Variants in HMCN1 observed in about 807,000 individuals in gnomAD.
HMCN1 encodes hemicentin 1, also known as hemicentin-1.
HMCN1 carries 321 observed loss-of-function variants against 625.9 expected under a neutral mutation model. The observed-to-expected ratio is 0.51, with a 90% CI of 0.47 to 0.56. The LOEUF (loss-of-function observed/expected upper bound fraction) is 0.56. HMCN1 is among the 20% of genes least tolerant of loss of function. The pLI, the probability that HMCN1 is intolerant of heterozygous loss-of-function variation, is 0.00. For synonymous variants in HMCN1, 2,425 were observed against 2,417.6 expected, an observed-to-expected ratio of 1.00 and a Z score of -0.09; for missense variants, 6,588 against 6,887.3, an observed-to-expected ratio of 0.96 and a Z score of 1.54.
At position 186,001,606 on chromosome 1, in the gene HMCN1, A is replaced by C. The variant is rs1254211879; in HGVS notation, c.4213A>C (p.Ser1405Arg). Residue 1405 changes from serine (S) to arginine (R), a missense_variant, in exon 28 of 107, where the codon AGC (serine) becomes CGC (arginine). Ser to Arg is a moderately radical substitution (Grantham distance 110, BLOSUM62 -1). This residue lies in a region of HMCN1 where 4,628 missense variants were observed against 4,853.1 expected (regional missense o/e 0.95). Transcript: ENST00000271588. ...TTGGCCCTTAAAGGTGACTGAAAGC[A>C]GCACTATTCAGACTGTGAACAATGG... The part of the protein sequence containing the change: ...YKDNVQVTES[S>R]TIQTVNNGKI... 2 of 1,613,180 alleles carry C rather than the reference A, an allele frequency of 1.2e-6. No homozygotes were observed. Among genetic ancestry groups the C allele is most frequent in the Non-Finnish European group, 1.7e-6 (2 of 1,179,312 alleles).
rs1382863765 is a variant in HMCN1 at position 186,145,427 on chromosome 1, G to A, written c.14291G>A (p.Ser4764Asn). The A allele has an allele frequency of 6.3e-7, 1 of 1,590,902 alleles. No individual in the cohort carries two copies. Among genetic ancestry groups the A allele is most frequent in the Non-Finnish European group, 8.6e-7 (1 of 1,168,122 alleles). Reference protein sequence around the residue: ...CPTHGNWSPWSGWGTCSRTCN... With the variant: ...CPTHGNWSPWNGWGTCSRTCN... Reference sequence around the variant, plus strand: ...GCCCATGGTAACTGGAGTCCTTGGAGTGGCTGGGGAACATGCAGCCGGACG... The same window carrying A: ...GCCCATGGTAACTGGAGTCCTTGGAATGGCTGGGGAACATGCAGCCGGACG... The change falls in exon 92 of 107, where the codon AGT becomes AAT. Residue 4764 changes from serine to asparagine, a missense_variant. Physicochemically the swap from Ser to Asn is conservative, Grantham distance 46. Coordinates refer to ENST00000271588, the MANE Select transcript of HMCN1 (RefSeq NM_031935.3).
intron 12 of HMCN1, among the ~76,000 whole-genome samples, chr1:185,963,189 G>A (rs1571626196): frequency 6.6e-6 from 1 of 152,092 alleles, no homozygotes; most frequent in South Asian, 2.1e-4. Flanking sequence ...TAATAAACAC[G>A]TGGAATATAA....
chr1:185,798,009 A>G, intron 1 of HMCN1, among the ~76,000 whole-genome samples: 1 of 140,806 alleles, frequency 7.1e-6, no homozygotes, highest in East Asian at 2.3e-4. Context: ...CTTGTTTTAT[A>G]CTTTTATGTT....
chr1:185,805,573 T>C (rs777578283), intron 1 of HMCN1, among the ~76,000 whole-genome samples: 2 of 152,176 alleles, frequency 1.3e-5, no homozygotes, highest in Middle Eastern at 3.2e-3. Context: ...AAGGAATACA[T>C]GTATTCTATA....
chr1:185,811,083 A>G (rs911414558), intron 1 of HMCN1, among the ~76,000 whole-genome samples: 1 of 152,140 alleles, frequency 6.6e-6, no homozygotes, highest in Admixed American at 6.6e-5. Flanking sequence ...TTTTTTGTGT[A>G]TCTGAGAGTT....
intron 100 of HMCN1, among the ~76,000 whole-genome samples, chr1:186,168,549 C>A (rs1652026765): frequency 6.6e-6 from 1 of 151,484 alleles, no homozygotes; most frequent in African/African-American, 2.4e-5. Context: ...AAATAGAAAA[C>A]AGTACACAAT....
At chr1:185,953,937 GGTT>G (rs376587520) in intron 11 of HMCN1, among the ~76,000 whole-genome samples, 130 of 150,778 alleles carry the variant, frequency 8.6e-4, no homozygotes, top group African/African-American at 2.1e-3. Context: ...GTCAAAGGGG[GGTT>G]GTTCTCTGGT....
chr1:185,887,796 G>C (rs1664766206), intron 4 of HMCN1, among the ~76,000 whole-genome samples: 3 of 138,586 alleles, frequency 2.2e-5, no homozygotes, highest in Admixed American at 2.1e-4. Context: ...ATAGCAGCAT[G>C]ATTTATAGTC....
Position 186,174,429 on chromosome 1 carries a change from C to CA in HMCN1, c.15815-83dup, listed in dbSNP as rs375370886. On this transcript the variant is annotated intron_variant, in intron 102 of 106. Transcript: ENST00000271588. ...ACTTGGTGAGAAATGCAACCTTTGG[C>CA]AATTCTACAGAATGCTGACTTTAAA... is the stretch of plus-strand genomic sequence containing the variant. 391 of 1,519,502 alleles carry CA rather than the reference C, an allele frequency of 2.6e-4. 1 individual carries two copies. In the African/African-American group the frequency reaches 4.6e-3, roughly 18 times the overall value. 94.1% of individuals were successfully genotyped at this position (1,519,502 alleles called of 1,614,324 possible).
intron 1 of HMCN1, among the ~76,000 whole-genome samples, chr1:185,795,954 T>A (rs1376817872): frequency 2.0e-5 from 3 of 152,224 alleles, no homozygotes; most frequent in South Asian, 4.1e-4. Flanking sequence ...ATTATTTTTT[T>A]AATTTTATTT....
chr1:185,961,881 G>A (rs1354614060), intron 11 of HMCN1, among the ~76,000 whole-genome samples: 2 of 152,128 alleles, frequency 1.3e-5, no homozygotes, highest in Non-Finnish European at 2.9e-5. Flanking sequence ...CAGGATCTTG[G>A]GAGGGGCAGG....
chr1:186,048,818 A>G lies in HMCN1; in HGVS notation c.6556A>G (p.Asn2186Asp). The G allele has an allele frequency of 6.2e-7, 1 of 1,609,556 alleles. No homozygotes were observed. Among genetic ancestry groups the G allele is most frequent in the Non-Finnish European group, 8.5e-7 (1 of 1,176,636 alleles). ...ATNVAGKTEKNYNVNIWVPPN... is the reference protein window; with the variant it reads ...ATNVAGKTEKDYNVNIWVPPN... ...AAATGTTGCTGGAAAAACTGAAAAA[A>G]ACTACAATGTCAACATTTGGGGTAA... The change falls in exon 42 of 107, where the codon AAC becomes GAC. Residue 2186 changes from asparagine (N) to aspartate (D), a missense_variant. Around this residue, in one of 3 missense-constraint regions of HMCN1, gnomAD observed 4,628 missense variants for 4,853.1 expected, o/e 0.95. Coordinates refer to ENST00000271588, the MANE Select transcript of HMCN1 (RefSeq NM_031935.3).
At chr1:185,954,896 C>T (rs1453733136) in intron 11 of HMCN1, among the ~76,000 whole-genome samples, 2 of 152,076 alleles carry the variant, frequency 1.3e-5, no homozygotes, top group Admixed American at 1.3e-4. Flanking sequence ...TTTCTTTGGA[C>T]TGATGCTTGA....
intron 1 of HMCN1, among the ~76,000 whole-genome samples, chr1:185,756,952 C>T (rs561283468): frequency 7.9e-5 from 12 of 152,028 alleles, no homozygotes; most frequent in African/African-American, 2.9e-4. Flanking sequence ...AATTAGACAC[C>T]TTTCAGCAGC....
chr1:185,758,051 G>A (rs1655247173), intron 1 of HMCN1, among the ~76,000 whole-genome samples: 1 of 152,168 alleles, frequency 6.6e-6, no homozygotes, highest in South Asian at 2.1e-4. Flanking sequence ...GATAGAAGAG[G>A]CAGTGCTGAA....
intron 1 of HMCN1, among the ~76,000 whole-genome samples, chr1:185,775,096 G>A (rs1329070102): frequency 6.6e-6 from 1 of 152,134 alleles, no homozygotes; most frequent in African/African-American, 2.4e-5. Flanking sequence ...AGGGCAGAGT[G>A]GATTCTCAAG....
intron 13 of HMCN1, among the ~76,000 whole-genome samples, chr1:185,964,315 C>G (rs1392804274): frequency 6.6e-6 from 1 of 152,052 alleles, no homozygotes; most frequent in African/African-American, 2.4e-5. Flanking sequence ...CAAACTTAAA[C>G]ATTTATTGGA....
chr1:186,078,224 A>T lies in HMCN1; in HGVS notation c.8599+4A>T, dbSNP rs906921069. The T allele has an allele frequency of 6.3e-7, 1 of 1,592,586 alleles. No individual in the cohort carries two copies. The highest frequency in any genetic ancestry group is 8.6e-7 in the Non-Finnish European group (1 of 1,161,130). On this transcript the variant is annotated splice_donor_region_variant and intron_variant, in intron 55 of 106. Transcript: ENST00000271588. ...CAATATGATGTCCGTGTACTCGGTG[A>T]GTTTTTCTTTTGTTTATTGTTCATT...
intron 4 of HMCN1, among the ~76,000 whole-genome samples, chr1:185,890,606 TGTA>T (rs1469637746): frequency 2.1e-4 from 28 of 135,992 alleles, no homozygotes; most frequent in African/African-American, 8.2e-4. Flanking sequence ...TCAGTTTCCA[TGTA>T]GTTGAGCGGT....
Sources: gnomAD v4.1 joint callset for allele counts (sites outside exome capture counted in the v4.1 genomes callset) on GRCh38, gnomAD v4.1.1 for gene constraint, gnomAD v4.1.1 regional missense constraint, MANE v1.5 for transcripts, NCBI Gene and HGNC (gene_info 2026-07-23, HGNC 2026-07-21) for gene names.